MRC1: variants seen among roughly 807,000 people sequenced by gnomAD.
The protein encoded by MRC1 is macrophage mannose receptor 1.
In MRC1, 62 loss-of-function variants were observed where a neutral mutation model predicts 102.9. The observed-to-expected ratio is 0.60, with a 90% CI of 0.49 to 0.74. The LOEUF is 0.74. Among genes scored for constraint, MRC1 ranks in the 30% least tolerant of loss-of-function variants. The pLI, the probability that MRC1 is intolerant of heterozygous loss-of-function variation, is 0.00. For synonymous variants in MRC1, 457 were observed against 298.4 expected, an observed-to-expected ratio of 1.53 and a Z score of -5.48; for missense variants, 1,237 against 862.8, an observed-to-expected ratio of 1.43 and a Z score of -5.43.
At chr10:17,812,260 A>G (rs932369001) in intron 1 of MRC1, among the ~76,000 whole-genome samples, 17 of 152,120 alleles carry the variant, frequency 1.1e-4, no homozygotes, top group Non-Finnish European at 1.0e-4. Flanking sequence ...TTTAGCACTC[A>G]GCAGCAAGGT....
At chr10:17,809,623 T>C (rs1564606242) in intron 1 of MRC1, 97 bp downstream of exon 1, 1 of 825,196 alleles carries the variant, frequency 1.2e-6, no homozygotes, top group Non-Finnish European at 2.2e-6. Flanking sequence ...TCAACATCTT[T>C]GTGAGGAGGA....
intron 4 of MRC1, among the ~76,000 whole-genome samples, chr10:17,839,852 A>T (rs1329682930): frequency 6.6e-6 from 1 of 151,648 alleles, no homozygotes; most frequent in African/African-American, 2.4e-5. Context: ...TGAGGTCAGG[A>T]GTTTGAGACC....
At chr10:17,866,180 T>C (rs1032486664) in intron 11 of MRC1, among the ~76,000 whole-genome samples, 34 of 151,942 alleles carry the variant, frequency 2.2e-4, no homozygotes, top group Admixed American at 5.9e-4. Flanking sequence ...GTGAAAAACT[T>C]TGGTCCTGGA....
chr10:17,827,578 C>T lies in MRC1; in HGVS notation c.500C>T (p.Thr167Ile), dbSNP rs2296414. The T allele has an allele frequency of 0.19, 146,893 of 780,570 alleles. 15,337 individuals carry two copies. Among genetic ancestry groups the T allele is most frequent in the Middle Eastern group, 0.24 (1,053 of 4,436 alleles). The allele number at this position is 780,570 out of a possible 1,614,324, so 48.4% of individuals were successfully genotyped here. Residue 167 changes from threonine to isoleucine, a missense_variant, in exon 3 of 30, where the codon ACC becomes ATC. Thr to Ile is a moderately conservative substitution (Grantham distance 89). Transcript: ENST00000569591. ...CTACTAGGCAATGCCAATGGAGCAA[C>T]CTGTGCATTCCCGTTCAAGTTTGAA... ...YTLLGNANGA[T>I]CAFPFKFENK... is the part of the protein sequence containing the mutation.
Position 17,863,550 on chromosome 10 carries a change from C to T in MRC1, c.1651C>T (p.Leu551=). ...TTTTTAAAGATATGAACAAGCCTTC[C>T]TGACTAGTTTCGTTGGCTTAAGGCC... ...TIEDRYEQAF[L]TSFVGLRPEK... The change falls in exon 11 of 30, where the codon CTG becomes TTG. Residue 551 remains leucine, a synonymous_variant. Coordinates refer to ENST00000569591, the MANE Select transcript of MRC1 (RefSeq NM_002438.4). 3 of 780,768 alleles carry T rather than the reference C, an allele frequency of 3.8e-6. No homozygotes were observed. The highest frequency in any genetic ancestry group is 7.2e-6 in the Non-Finnish European group (3 of 417,950). The allele number at this position is 780,768 out of a possible 1,614,324, so 48.4% of individuals were successfully genotyped here.
At chr10:17,876,922 G>A (rs1029067832) in intron 17 of MRC1, among the ~76,000 whole-genome samples, 234 of 152,060 alleles carry the variant, frequency 1.5e-3, no homozygotes, top group Middle Eastern at 3.4e-3. Context: ...GTAACAGAGA[G>A]AGCAGGAAAA....
rs1833821217 is a variant in MRC1, at chr10:17,900,947, T to A, written c.3643T>A (p.Ser1215Thr). Residue 1215 changes from serine to threonine, a missense_variant, in exon 25 of 30, where the codon TCA (serine) becomes ACA (threonine). Coordinates refer to ENST00000569591, the MANE Select transcript of MRC1 (RefSeq NM_002438.4). ...NESFYFLCKR[S>T]DEIPATEPPQ... ...AAGTTTTTACTTTCTCTGTAAAAGA[T>A]CAGATGGTAATTGAATATATAAAAA... 4 of 780,494 alleles carry A rather than the reference T, an allele frequency of 5.1e-6. No homozygotes were observed. Among genetic ancestry groups the A allele is most frequent in the East Asian group, 4.8e-5 (2 of 41,244 alleles). The allele number at this position is 780,494 out of a possible 1,614,324, so 48.3% of individuals were successfully genotyped here. A position where few individuals can be genotyped will look rare whatever the true frequency, so the allele number is the denominator to read the frequency against.
rs1833955049 is a variant in MRC1, at chr10:17,910,516, A to C, written c.*51A>C. On this transcript the variant is annotated 3_prime_UTR_variant, in exon 30 of 30. Coordinates refer to ENST00000569591, the MANE Select transcript of MRC1 (RefSeq NM_002438.4). Reference sequence around the variant, plus strand: ...TGAATTTCATAAAATTGTAACTGAAATTTAAAATTTTTAGTTCAATGTGAT... The same window carrying C: ...TGAATTTCATAAAATTGTAACTGAACTTTAAAATTTTTAGTTCAATGTGAT... 1.3e-6 allele frequency: 1 copy of C among 780,216 alleles called. No individual in the cohort carries two copies. The highest frequency in any genetic ancestry group is 2.4e-6 in the Non-Finnish European group (1 of 417,730). The allele number at this position is 780,216 out of a possible 1,614,324, so 48.3% of individuals were successfully genotyped here.
Position 17,910,414 on chromosome 10 carries a change from T to C in MRC1, c.4320T>C (p.Asp1440=). 2.6e-6 allele frequency: 2 copies of C among 780,878 alleles called. No individual in the cohort carries two copies. The highest frequency in any genetic ancestry group is 4.8e-6 in the Non-Finnish European group (2 of 417,950). The allele number at this position is 780,878 out of a possible 1,614,324, so 48.4% of individuals were successfully genotyped here. Residue 1440 remains aspartate, a synonymous_variant, in exon 30 of 30, where the codon GAT becomes GAC. Transcript: ENST00000569591. ...GTCAGTCAAGCCCAGGAACTAGTGA[T>C]ATGAAAGATCTCGTGGGCAATATTG... ...FNSQSSPGTS[D]MKDLVGNIEQ... is the part of the protein sequence containing the mutation.
At chr10:17,821,234 A>G (rs952982659) in intron 1 of MRC1, among the ~76,000 whole-genome samples, 1 of 152,020 alleles carries the variant, frequency 6.6e-6, no homozygotes. Flanking sequence ...AGCGAGAGTA[A>G]GTCTTACTCA....
rs1833509723 is a variant in MRC1 at position 17,881,143 on chromosome 10, G to A, written c.2942G>A (p.Gly981Glu). 2.6e-6 allele frequency: 2 copies of A among 780,766 alleles called. No individual in the cohort carries two copies. The highest frequency in any genetic ancestry group is 3.4e-5 in the African/African-American group (2 of 59,238). The allele number at this position is 780,766 out of a possible 1,614,324, so 48.4% of individuals were successfully genotyped here. Residue 981 changes from glycine (G) to glutamate (E), a missense_variant, in exon 21 of 30, where the codon GGA becomes GAA. Transcript: ENST00000569591. ...QEARKACIGF[G>E]GNLVSIQNEK... is the part of the protein sequence containing the mutation. ...GCACGAAAAGCTTGTATAGGCTTTGGAGGGAATCTGGTCTCCATACAAAAT... is the reference window on the plus strand; with the variant it reads ...GCACGAAAAGCTTGTATAGGCTTTGAAGGGAATCTGGTCTCCATACAAAAT...
chr10:17,861,643 A>G, intron 10 of MRC1, 141 bp downstream of exon 10: 1 of 610,458 alleles, frequency 1.6e-6, no homozygotes, highest in Non-Finnish European at 2.9e-6. Flanking sequence ...ATTAAAAATA[A>G]TATTCTTATT....
At chr10:17,872,645 A>C (rs919154019) in intron 15 of MRC1, among the ~76,000 whole-genome samples, 1 of 152,132 alleles carries the variant, frequency 6.6e-6, no homozygotes, top group Non-Finnish European at 1.5e-5. Flanking sequence ...ACGCATGCTG[A>C]CAGCCATTAT....
At chr10:17,809,655 G>T in intron 1 of MRC1, 129 bp downstream of exon 1, 1 of 775,004 alleles carries the variant, frequency 1.3e-6, no homozygotes, top group Non-Finnish European at 2.4e-6. Flanking sequence ...CCTGCACCAC[G>T]CAGTCCACGG....
intron 18 of MRC1, among the ~76,000 whole-genome samples, chr10:17,879,445 C>G (rs930276944): frequency 5.3e-4 from 80 of 152,208 alleles, no homozygotes; most frequent in Non-Finnish European, 1.0e-3. Context: ...GCCTCCGCCT[C>G]CCAGTTCAAG....
chr10:17,860,022 C>A (rs1286736881), intron 9 of MRC1, among the ~76,000 whole-genome samples: 1 of 152,034 alleles, frequency 6.6e-6, no homozygotes, highest in South Asian at 2.1e-4. Flanking sequence ...ATACAAGGAC[C>A]TCGGTTCCAA....
intron 22 of MRC1, among the ~76,000 whole-genome samples, chr10:17,888,686 T>C (rs1298446794): frequency 6.6e-6 from 1 of 152,218 alleles, no homozygotes; most frequent in Non-Finnish European, 1.5e-5. Context: ...GCTCAGAATA[T>C]GGTCTGTCTT....
In MRC1 at chr10:17,833,799, C is replaced by A; in HGVS notation, c.762C>A (p.Leu254=). Residue 254 remains leucine (L), a synonymous_variant, in exon 4 of 30, where the codon CTC becomes CTA. Coordinates refer to ENST00000569591, the MANE Select transcript of MRC1 (RefSeq NM_002438.4). ...RKSCQQQNAE[L]LSITEIHEQT... The stretch of plus-strand genomic sequence containing the variant: ...GCTGCCAACAACAGAACGCTGAGCT[C>A]CTGAGCATCACAGAGATTCATGAGC... 1.3e-6 allele frequency: 1 copy of A among 781,064 alleles called. No homozygotes were observed. The highest frequency in any genetic ancestry group is 2.4e-6 in the Non-Finnish European group (1 of 418,136). 48.4% of individuals were successfully genotyped at this position (781,064 alleles called of 1,614,324 possible).
At chr10:17,820,824 T>G (rs1838384025) in intron 1 of MRC1, among the ~76,000 whole-genome samples, 1 of 152,226 alleles carries the variant, frequency 6.6e-6, no homozygotes, top group Admixed American at 6.5e-5. Flanking sequence ...AATTTACCTT[T>G]GCATAAAGTA....
Sources: allele counts gnomAD v4.1 joint callset (sites outside exome capture counted in the v4.1 genomes callset), GRCh38; gene constraint gnomAD v4.1.1; transcripts MANE v1.5; gene names NCBI Gene and HGNC (gene_info 2026-07-23, HGNC 2026-07-21).